PDE4D: variants seen among roughly 807,000 people sequenced by gnomAD.
PDE4D encodes phosphodiesterase 4D.
In PDE4D, 24 loss-of-function variants were observed where a neutral mutation model predicts 87.4. The ratio of observed to expected loss-of-function variants is 0.27; its 90% CI spans 0.20 to 0.39. The LOEUF (loss-of-function observed/expected upper bound fraction) is 0.39. PDE4D is among the 10% of genes least tolerant of loss of function. The pLI is 1.00. For missense variants in PDE4D, 714 were observed against 1,041.0 expected (o/e 0.69, Z 4.32); for synonymous variants, 384 against 383.2 (o/e 1.00, Z -0.02).
At chr5:60,003,565 C>A (rs1764194932) in intron 2 of PDE4D, among the ~76,000 whole-genome samples, 1 of 151,746 alleles carries the variant, frequency 6.6e-6, no homozygotes, top group Non-Finnish European at 1.5e-5. Flanking sequence ...CAAAAATTAG[C>A]CGAACGTGGT....
At chr5:59,375,461 A>G (rs1206495457) in intron 1 of PDE4D, among the ~76,000 whole-genome samples, 1 of 152,188 alleles carries the variant, frequency 6.6e-6, no homozygotes, top group Non-Finnish European at 1.5e-5. Flanking sequence ...ATTCCTGGAC[A>G]TACATACTCT....
intron 2 of PDE4D, among the ~76,000 whole-genome samples, chr5:60,176,429 G>A (rs1015436225): frequency 7.9e-5 from 12 of 152,074 alleles, no homozygotes; most frequent in African/African-American, 2.7e-4. Context: ...GAAGCTCTCT[G>A]CATCTCTGAG....
chr5:59,821,937 T>C (rs1226098616), intron 1 of PDE4D, among the ~76,000 whole-genome samples: 2 of 152,230 alleles, frequency 1.3e-5, no homozygotes, highest in East Asian at 3.8e-4. Context: ...CATTTCCCCT[T>C]GTCTAATCTT....
At chr5:60,310,437 TA>T (rs998205801) in intron 1 of PDE4D, among the ~76,000 whole-genome samples, 8 of 152,150 alleles carry the variant, frequency 5.3e-5, no homozygotes, top group Non-Finnish European at 1.0e-4. Flanking sequence ...AGGGAAGGTT[TA>T]AAAAATGAAT....
chr5:59,046,246 T>C (rs1342745945), intron 5 of PDE4D, among the ~76,000 whole-genome samples: 2 of 152,186 alleles, frequency 1.3e-5, no homozygotes, highest in East Asian at 1.9e-4. Context: ...GGGAGGAATA[T>C]GCCAGTTGCT....
intron 1 of PDE4D, among the ~76,000 whole-genome samples, chr5:59,486,095 T>C (rs1805100707): frequency 6.6e-6 from 1 of 152,172 alleles, no homozygotes; most frequent in Non-Finnish European, 1.5e-5. Context: ...ATATTTTTTC[T>C]GGACTCTATA....
intron 1 of PDE4D, among the ~76,000 whole-genome samples, chr5:60,378,559 A>G (rs1299435042): frequency 6.6e-6 from 1 of 152,160 alleles, no homozygotes; most frequent in African/African-American, 2.4e-5. Flanking sequence ...AATACTTTTA[A>G]AAGAAAAAAA....
chr5:59,218,224 A>G (rs900486887), intron 1 of PDE4D, among the ~76,000 whole-genome samples: 2 of 152,144 alleles, frequency 1.3e-5, no homozygotes, highest in African/African-American at 4.8e-5. Context: ...AGATATTCTT[A>G]TTGCTACACT....
intron 1 of PDE4D, among the ~76,000 whole-genome samples, chr5:59,358,687 G>A (rs1418867074): frequency 6.6e-6 from 1 of 152,060 alleles, no homozygotes; most frequent in Non-Finnish European, 1.5e-5. Flanking sequence ...TGCGTAAAGA[G>A]GGGAGGAGTC....
chr5:58,988,356 G>C, intron 11 of PDE4D, 137 bp downstream of exon 11: 1 of 402,332 alleles, frequency 2.5e-6, no homozygotes, highest in Non-Finnish European at 4.4e-6. Flanking sequence ...ACATTAACAT[G>C]AACTATCACT....
chr5:60,278,394 G>T (rs908058672), intron 1 of PDE4D, among the ~76,000 whole-genome samples: 2 of 152,006 alleles, frequency 1.3e-5, no homozygotes, highest in Non-Finnish European at 2.9e-5. Context: ...GAATTTCTTT[G>T]GGTTTATCCT....
intron 1 of PDE4D, among the ~76,000 whole-genome samples, chr5:60,391,761 G>A (rs1000062528): frequency 7.2e-5 from 11 of 152,018 alleles, no homozygotes; most frequent in Admixed American, 1.3e-4. Context: ...GTCCTATAAC[G>A]TATTCAAAGA....
intron 1 of PDE4D, among the ~76,000 whole-genome samples, chr5:59,232,233 A>G (rs1201251587): frequency 6.6e-6 from 1 of 152,216 alleles, no homozygotes; most frequent in East Asian, 1.9e-4. Context: ...TGAAAAGACA[A>G]CATGTTAAAT....
intron 1 of PDE4D, among the ~76,000 whole-genome samples, chr5:59,865,687 T>C (rs1746911120): frequency 6.6e-6 from 1 of 152,242 alleles, no homozygotes; most frequent in Non-Finnish European, 1.5e-5. Flanking sequence ...TTCCTTTTTA[T>C]ATCCCATTTC....
intron 5 of PDE4D, among the ~76,000 whole-genome samples, chr5:59,127,073 T>C (rs977496322): frequency 6.6e-6 from 1 of 152,222 alleles, no homozygotes; most frequent in African/African-American, 2.4e-5. Context: ...GTGATGTTCT[T>C]GGAGCTGCCT....
chr5:60,507,890 A>G (rs1000990915), intron 1 of PDE4D, among the ~76,000 whole-genome samples: 4 of 152,236 alleles, frequency 2.6e-5, no homozygotes, highest in African/African-American at 9.6e-5. Context: ...ACAACCTCAG[A>G]CTGACTTATA....
chr5:60,503,142 A>T lies in PDE4D; in HGVS notation n.70+18909T>A, dbSNP rs1303946129. 3.3e-5 allele frequency among the ~76,000 whole-genome samples: 5 copies of T among 152,152 alleles called. No homozygotes were observed. In the East Asian group the frequency reaches 9.6e-4, roughly 29 times the overall value. Reference sequence around the variant, plus strand: ...CTGGAGTAAAGATAGCCATACTAGTATCAATATTAACCATCACGAATAAAA... The same window carrying T: ...CTGGAGTAAAGATAGCCATACTAGTTTCAATATTAACCATCACGAATAAAA... On this transcript the variant is annotated intron_variant and non_coding_transcript_variant, in intron 1 of 2. Coordinates refer to the PDE4D transcript ENST00000506510.
intron 2 of PDE4D, among the ~76,000 whole-genome samples, chr5:60,031,858 G>C (rs6450539): frequency 1.3e-5 from 2 of 152,114 alleles, no homozygotes; most frequent in East Asian, 3.8e-4. Flanking sequence ...AGAGAAAATA[G>C]TCAAAACCTG....
chr5:59,930,163 CAAAAAAA>C (rs35465849), intron 3 of PDE4D, among the ~76,000 whole-genome samples: 1 of 82,948 alleles, frequency 1.2e-5, no homozygotes, highest in Non-Finnish European at 2.2e-5. Context: ...ACTCCGTCTC[CAAAAAAA>C]AAAAAAAAAA....
Sources: gnomAD v4.1 joint callset for allele counts (sites outside exome capture counted in the v4.1 genomes callset) on GRCh38, gnomAD v4.1.1 for gene constraint, MANE v1.5 for transcripts, NCBI Gene and HGNC (gene_info 2026-07-23, HGNC 2026-07-21) for gene names.